The following PPP1R14C variants were observed in gnomAD, a reference collection of about 807,000 sequenced individuals.
The protein encoded by PPP1R14C is protein phosphatase 1 regulatory inhibitor subunit 14C.
PPP1R14C carries 16 observed loss-of-function variants against 20.4 expected under a neutral mutation model. The ratio of observed to expected loss-of-function variants is 0.78; its 90% confidence interval spans 0.53 to 1.19. The LOEUF (loss-of-function observed/expected upper bound fraction) is 1.19, where lower values mean the gene tolerates loss of function less well. Among genes scored for constraint, PPP1R14C ranks in the 50% most tolerant of loss-of-function variants. PPP1R14C has a pLI of 0.00. For synonymous variants in PPP1R14C, 91 were observed against 91.0 expected (o/e 1.00, Z 0.00); for missense variants, 211 against 220.1 (o/e 0.96, Z 0.26).
Position 150,170,317 on chromosome 6 carries a change from CTTTT to C in PPP1R14C, c.306+26831_306+26834del, listed in dbSNP as rs540768379. Among the ~76,000 whole-genome samples, 1,054 of 142,914 alleles carry C rather than the reference CTTTT, an allele frequency of 7.4e-3. 8 individuals are homozygous for C. Among genetic ancestry groups the C allele is most frequent in the African/African-American group, 0.024 (943 of 39,100 alleles). The allele number at this position is 142,914 out of a possible 152,430, so 93.8% of individuals were successfully genotyped here. On this transcript the variant is annotated intron_variant, in intron 1 of 3. Transcript: ENST00000361131. ...TTACACTTTTGTCATGTGCTAGTTA[CTTTT>C]TTTTTTTTTTTCTTTTTTTGAGATG...
chr6:150,205,791 CA>C (rs61626886), intron 1 of PPP1R14C, among the ~76,000 whole-genome samples: 12,644 of 118,736 alleles, frequency 0.11, 631 homozygotes, highest in African/African-American at 0.18. Flanking sequence ...GCCTCCGTCT[CA>C]AAAAAAAAAA....
intron 3 of PPP1R14C, 36 bp from the exon 4 acceptor site, chr6:150,248,710 G>A: frequency 7.4e-7 from 1 of 1,359,022 alleles, no homozygotes; most frequent in Non-Finnish European, 1.1e-6. Context: ...AATTTTAATA[G>A]TGACCCTCAT....
intron 1 of PPP1R14C, chr6:150,194,565 G>C (rs1419596293): frequency 2.0e-6 from 2 of 976,330 alleles, no homozygotes; most frequent in East Asian, 1.1e-4. Flanking sequence ...TTATCTACCA[G>C]TAGGATGCAA....
intron 3 of PPP1R14C, among the ~76,000 whole-genome samples, chr6:150,220,181 C>T (rs1360748397): frequency 2.0e-5 from 3 of 152,206 alleles, no homozygotes; most frequent in Admixed American, 6.5e-5. Context: ...TGCTGGGTCT[C>T]ACTATGGAGT....
chr6:150,143,533 T>A lies in PPP1R14C; in HGVS notation c.306+35T>A. The A allele has an allele frequency of 7.3e-7, 1 of 1,368,180 alleles. No homozygotes were observed. The allele number at this position is 1,368,180 out of a possible 1,614,324, so 84.8% of individuals were successfully genotyped here. On this transcript the variant is annotated intron_variant, in intron 1 of 3. Transcript: ENST00000361131. This position sits in a 1 kb window ranked among gnomAD's most constrained non-coding sequence, Gnocchi z 5.6. ...CGCGGGGCTGGGAGGGTCGGGGACC[T>A]CTCTAGCTCCTCTGTGCCCGCGCAG...
At chr6:150,247,047 A>G (rs1285476018) in intron 3 of PPP1R14C, among the ~76,000 whole-genome samples, 1 of 152,152 alleles carries the variant, frequency 6.6e-6, no homozygotes, top group East Asian at 1.9e-4. Flanking sequence ...TTACTTTTAT[A>G]ATAGGGAAAA....
chr6:150,195,760 C>T lies in PPP1R14C; in HGVS notation c.307-18984C>T, dbSNP rs574176687. 29 of 820,006 alleles carry T rather than the reference C, an allele frequency of 3.5e-5. No individual in the cohort carries two copies. The South Asian group carries it at 1.5e-3, about 44-fold the overall frequency. 50.8% of individuals were successfully genotyped at this position (820,006 alleles called of 1,614,324 possible). On this transcript the variant is annotated intron_variant, in intron 1 of 3. Transcript: ENST00000361131. The stretch of plus-strand genomic sequence containing the variant: ...TTTACTATTTTTTTTTGCAACCATC[C>T]CCACCATTCATCTCCCGAACTTTCT...
chr6:150,187,571 T>C (rs1481121655), intron 1 of PPP1R14C, among the ~76,000 whole-genome samples: 1 of 152,152 alleles, frequency 6.6e-6, no homozygotes, highest in African/African-American at 2.4e-5. Flanking sequence ...CCTGCATTAG[T>C]TTGCTAAGGT....
chr6:150,217,485 G>A (rs922346979), intron 3 of PPP1R14C, among the ~76,000 whole-genome samples: 36 of 152,142 alleles, frequency 2.4e-4, no homozygotes, highest in African/African-American at 7.5e-4. Flanking sequence ...GTGAGCCACC[G>A]CACCCGGCCT....
chr6:150,194,959 A>G (rs1777785206), intron 1 of PPP1R14C: 5 of 985,366 alleles, frequency 5.1e-6, no homozygotes, highest in Non-Finnish European at 6.0e-6. Context: ...ATAAATTGAT[A>G]AAGGCAAAAG....
chr6:150,211,073 C>T (rs918120565), intron 1 of PPP1R14C, among the ~76,000 whole-genome samples: 1 of 152,216 alleles, frequency 6.6e-6, no homozygotes, highest in African/African-American at 2.4e-5. Flanking sequence ...GTCAGTTCAC[C>T]TCCTCCCTCC....
At chr6:150,239,782 T>G (rs1211786649) in intron 3 of PPP1R14C, among the ~76,000 whole-genome samples, 1 of 152,138 alleles carries the variant, frequency 6.6e-6, no homozygotes, top group Non-Finnish European at 1.5e-5. Context: ...GGGCACAGTG[T>G]AATTACACGC....
intron 1 of PPP1R14C, among the ~76,000 whole-genome samples, chr6:150,152,775 C>T (rs1330794418): frequency 4.6e-5 from 7 of 152,168 alleles, no homozygotes; most frequent in Admixed American, 6.5e-5. Context: ...GAATCTTGTA[C>T]CTTTGCAGCC....
chr6:150,176,222 A>G (rs751250733), intron 1 of PPP1R14C, among the ~76,000 whole-genome samples: 1 of 152,204 alleles, frequency 6.6e-6, no homozygotes, highest in Non-Finnish European at 1.5e-5. Context: ...AGCCAGCCCT[A>G]CTGGCTATCT....
At chr6:150,197,621 C>A (rs1169803441) in intron 1 of PPP1R14C, among the ~76,000 whole-genome samples, 1 of 152,272 alleles carries the variant, frequency 6.6e-6, no homozygotes, top group African/African-American at 2.4e-5. Flanking sequence ...AGAGAAAGCA[C>A]CTCCTGTTTT....
At chr6:150,224,614 C>CTCTT (rs34177137) in intron 3 of PPP1R14C, among the ~76,000 whole-genome samples, 84,547 of 151,686 alleles carry the variant, frequency 0.56, 25,698 homozygotes, top group African/African-American at 0.82. Context: ...TCTAGCATTT[C>CTCTT]TCTTAGAATT....
At chr6:150,181,171 G>T (rs1424932825) in intron 1 of PPP1R14C, among the ~76,000 whole-genome samples, 1 of 152,130 alleles carries the variant, frequency 6.6e-6, no homozygotes, top group Non-Finnish European at 1.5e-5. Flanking sequence ...GGCATTCTAT[G>T]AGGTGTTCTT....
intron 1 of PPP1R14C, among the ~76,000 whole-genome samples, chr6:150,153,981 G>A (rs1175917752): frequency 4.6e-5 from 7 of 152,136 alleles, no homozygotes; most frequent in East Asian, 1.9e-4. Flanking sequence ...GTAAAGGAAC[G>A]AACACTTCAC....
chr6:150,243,202 G>A (rs1167329804), intron 3 of PPP1R14C, among the ~76,000 whole-genome samples: 5 of 144,776 alleles, frequency 3.5e-5, no homozygotes, highest in Middle Eastern at 3.4e-3. Flanking sequence ...TTGAGATGGA[G>A]TCTCACTCTG....
Sources: gnomAD v4.1 joint callset for allele counts (sites outside exome capture counted in the v4.1 genomes callset) on GRCh38, gnomAD v4.1.1 for gene constraint, Gnocchi (gnomAD v3.1) non-coding constraint, MANE v1.5 for transcripts, NCBI Gene and HGNC (gene_info 2026-07-23, HGNC 2026-07-21) for gene names.